Variants in PARD3 observed in about 807,000 individuals in gnomAD.
The protein encoded by PARD3 is par-3 family cell polarity regulator, also known as partitioning defective 3 homolog.
PARD3 carries 75 observed loss-of-function variants against 155.4 expected under a neutral mutation model. The observed-to-expected ratio is 0.48, with a 90% CI of 0.40 to 0.58. PARD3 has a LOEUF of 0.58. Ranked by LOEUF, PARD3 falls within the 20% of genes least tolerant of loss-of-function variation. The probability of loss-of-function intolerance (pLI) is 0.00; values close to 1 mark genes in which losing one functional copy is unlikely to be tolerated. For synonymous variants in PARD3, 576 were observed against 610.5 expected (o/e 0.94, Z 0.83); for missense variants, 1,642 against 1,721.7 (o/e 0.95, Z 0.82).
chr10:34,539,834 G>A (rs1418387340), intron 2 of PARD3, among the ~76,000 whole-genome samples: 1 of 152,206 alleles, frequency 6.6e-6, no homozygotes, highest in Non-Finnish European at 1.5e-5. Flanking sequence ...AAATAGGCCA[G>A]GGCGGGAGTG....
chr10:34,646,002 A>G (rs1380812755), intron 2 of PARD3, among the ~76,000 whole-genome samples: 2 of 152,224 alleles, frequency 1.3e-5, no homozygotes, highest in Non-Finnish European at 2.9e-5. Flanking sequence ...GGATAAGAGT[A>G]TATGTTGTAG....
chr10:34,470,845 A>C (rs1369834494), intron 3 of PARD3, among the ~76,000 whole-genome samples: 1 of 152,228 alleles, frequency 6.6e-6, no homozygotes, highest in African/African-American at 2.4e-5. Flanking sequence ...AATTTATTGT[A>C]TATTTCAAAG....
At chr10:34,533,442 A>AT (rs916381987) in intron 2 of PARD3, among the ~76,000 whole-genome samples, 3 of 152,148 alleles carry the variant, frequency 2.0e-5, no homozygotes, top group Non-Finnish European at 4.4e-5. Context: ...AGTTGAAAAT[A>AT]TTTTTTTAAA....
At position 34,493,341 on chromosome 10, in the gene PARD3, C is replaced by A. The variant is rs575151485; in HGVS notation, c.404-23078G>T. 2.6e-4 allele frequency among the ~76,000 whole-genome samples: 40 copies of A among 152,310 alleles called. No individual in the cohort carries two copies. The South Asian group carries it at 8.3e-3, about 32-fold the overall frequency. ...AAATGTGACCTGTCTGCGTGTGGCA[C>A]AGGGGATCTCTACTCCTGGCTCCTA... On this transcript the variant is annotated intron_variant, in intron 3 of 24. Transcript: ENST00000374788.
At chr10:34,280,032 A>G (rs1358015944) in intron 21 of PARD3, among the ~76,000 whole-genome samples, 1 of 152,238 alleles carries the variant, frequency 6.6e-6, no homozygotes, top group Non-Finnish European at 1.5e-5. Flanking sequence ...TCAATGGCTG[A>G]ATAACTACAA....
chr10:34,238,769 A>G (rs1953394206), intron 22 of PARD3, among the ~76,000 whole-genome samples: 1 of 152,192 alleles, frequency 6.6e-6, no homozygotes, highest in African/African-American at 2.4e-5. Context: ...CACCTCCTAT[A>G]AGAAAGATTC....
chr10:34,325,755 A>T (rs972515929), intron 19 of PARD3, among the ~76,000 whole-genome samples: 3 of 152,132 alleles, frequency 2.0e-5, no homozygotes, highest in Non-Finnish European at 4.4e-5. Flanking sequence ...CACAGGACTG[A>T]GAATTAGAAG....
intron 15 of PARD3, chr10:34,344,237 G>A: frequency 1.0e-6 from 1 of 984,234 alleles, no homozygotes; most frequent in Non-Finnish European, 1.2e-6. Context: ...TAGTTATGCT[G>A]ACTATCCCTG....
chr10:34,780,020 C>A (rs1474844012), intron 1 of PARD3, among the ~76,000 whole-genome samples: 1 of 152,202 alleles, frequency 6.6e-6, no homozygotes, highest in Non-Finnish European at 1.5e-5. Flanking sequence ...CTACGATTCC[C>A]CATCCTATTC....
intron 3 of PARD3, among the ~76,000 whole-genome samples, chr10:34,498,439 T>C (rs16935461): frequency 0.29 from 43,780 of 152,076 alleles, 6,793 homozygotes; most frequent in East Asian, 0.43. Flanking sequence ...ATACATGCCA[T>C]TTATGTCACG....
chr10:34,147,418 T>C (rs1257880424), intron 22 of PARD3, among the ~76,000 whole-genome samples: 2 of 147,962 alleles, frequency 1.4e-5, no homozygotes, highest in African/African-American at 4.9e-5. Flanking sequence ...TTTTTCTTTT[T>C]TTCTCTAGTT....
chr10:34,657,241 A>G, intron 2 of PARD3, among the ~76,000 whole-genome samples: 1 of 152,314 alleles, frequency 6.6e-6, no homozygotes, highest in East Asian at 1.9e-4. Context: ...CAAAAAAAAA[A>G]AAGTCAGAAA....
chr10:34,138,971 A>AC (rs1554793689), intron 22 of PARD3, among the ~76,000 whole-genome samples: 10 of 152,130 alleles, frequency 6.6e-5, no homozygotes, highest in Admixed American at 2.0e-4. Context: ...CCAAAAAAAA[A>AC]AAAGAAAAAA....
intron 19 of PARD3, among the ~76,000 whole-genome samples, chr10:34,323,730 A>G (rs1379950136): frequency 1.3e-5 from 2 of 152,268 alleles, no homozygotes; most frequent in Non-Finnish European, 2.9e-5. Flanking sequence ...ATGCTCCCAC[A>G]GATAATGGTA....
chr10:34,526,393 T>C (rs1195446304), intron 2 of PARD3, among the ~76,000 whole-genome samples: 1 of 152,180 alleles, frequency 6.6e-6, no homozygotes, highest in East Asian at 1.9e-4. Flanking sequence ...TCCCAGGGCA[T>C]GAAAAGCTGC....
At chr10:34,233,548 C>T (rs1227679771) in intron 22 of PARD3, among the ~76,000 whole-genome samples, 1 of 152,084 alleles carries the variant, frequency 6.6e-6, no homozygotes, top group African/African-American at 2.4e-5. Context: ...TGCTTGACAT[C>T]TCAAACTCAG....
chr10:34,343,321 G>C (rs1252941307), intron 15 of PARD3: 5 of 955,194 alleles, frequency 5.2e-6, no homozygotes, highest in Non-Finnish European at 6.2e-6. Flanking sequence ...TAAAACTTCT[G>C]GTTTTACACA....
At chr10:34,726,388 C>T (rs1167467728) in intron 1 of PARD3, among the ~76,000 whole-genome samples, 1 of 152,194 alleles carries the variant, frequency 6.6e-6, no homozygotes, top group African/African-American at 2.4e-5. Context: ...GAATTTGAGA[C>T]CAGCCTGGCC....
At position 34,814,947 on chromosome 10, in the gene PARD3, C is replaced by T. The variant is rs1257236629; in HGVS notation, c.49G>A (p.Gly17Arg). 1.5e-5 allele frequency: 24 copies of T among 1,565,600 alleles called. No homozygotes were observed. The highest frequency in any genetic ancestry group is 2.0e-5 in the Non-Finnish European group (23 of 1,158,290). Residue 17 changes from glycine (G) to arginine (R), a missense_variant, in exon 1 of 25, where the codon GGG (glycine) becomes AGG (arginine). This residue lies in a region of PARD3 where 75 missense variants were observed against 65.3 expected (regional missense o/e 1.15). Transcript: ENST00000374788. The part of the protein sequence containing the change: ...FGRTRVVVPC[G>R]DGHMKVFSLI... ...CTGAAAACTTTCATGTGGCCGTCCC[C>T]GCACGGCACGACCACCCGGGTCCGT...
Sources: gnomAD v4.1 joint callset for allele counts (sites outside exome capture counted in the v4.1 genomes callset) on GRCh38, gnomAD v4.1.1 for gene constraint, gnomAD v4.1.1 regional missense constraint, MANE v1.5 for transcripts, NCBI Gene and HGNC (gene_info 2026-07-23, HGNC 2026-07-21) for gene names.